Variants in RANBP2 observed in about 807,000 individuals in gnomAD.
RANBP2 encodes the protein RAN binding protein 2.
In RANBP2, 57 loss-of-function variants were observed where a neutral mutation model predicts 303.6. The ratio of observed to expected loss-of-function variants is 0.19; its 90% CI spans 0.15 to 0.23. The LOEUF is 0.23. Among genes scored for constraint, RANBP2 ranks in the 10% least tolerant of loss-of-function variants. The pLI is 1.00. For synonymous variants in RANBP2, 1,167 were observed against 1,301.5 expected, an observed-to-expected ratio of 0.90 and a Z score of 2.23; for missense variants, 3,138 against 3,780.8, an observed-to-expected ratio of 0.83 and a Z score of 4.46.
chr2:108,795,012 A>G, the RANBP2 span, among the ~76,000 whole-genome samples: 2 of 151,230 alleles, frequency 1.3e-5, no homozygotes, highest in Non-Finnish European at 2.9e-5. Flanking sequence ...CTGATAAAGT[A>G]TGGTTTTTGA....
At chr2:108,827,387 CAAAAT>C in the RANBP2 span, among the ~76,000 whole-genome samples, 11 of 152,102 alleles carry the variant, frequency 7.2e-5, no homozygotes, top group Non-Finnish European at 1.6e-4. Context: ...ATGTGCAAAA[CAAAAT>C]GTAGAAAACT....
the RANBP2 span, among the ~76,000 whole-genome samples, chr2:109,134,153 C>T: frequency 6.6e-6 from 1 of 152,196 alleles, no homozygotes; most frequent in African/African-American, 2.4e-5. Flanking sequence ...CACAATAATC[C>T]TGCCAAGTGG....
chr2:108,804,902 A>G, the RANBP2 span: 3 of 1,559,348 alleles, frequency 1.9e-6, no homozygotes, highest in African/African-American at 4.2e-5. Flanking sequence ...CATGATGCAG[A>G]AGTTGAACAC....
chr2:108,790,995 CAA>C, the RANBP2 span, among the ~76,000 whole-genome samples: 2 of 152,036 alleles, frequency 1.3e-5, no homozygotes, highest in Non-Finnish European at 2.9e-5. Context: ...CTCCTGGGCT[CAA>C]GAGATACTCC....
At chr2:108,835,485 C>G in the RANBP2 span, among the ~76,000 whole-genome samples, 15 of 152,112 alleles carry the variant, frequency 9.9e-5, no homozygotes, top group Non-Finnish European at 1.9e-4. Context: ...CCACTGATAA[C>G]AGCGATATGA....
chr2:109,651,146 C>A, the RANBP2 span, among the ~76,000 whole-genome samples: 4 of 152,142 alleles, frequency 2.6e-5, no homozygotes, highest in Non-Finnish European at 5.9e-5. Context: ...GTCCCAGCAA[C>A]CCCTGTACCT....
chr2:109,471,825 G>A, the RANBP2 span, among the ~76,000 whole-genome samples: 3 of 152,204 alleles, frequency 2.0e-5, no homozygotes, highest in South Asian at 2.1e-4. Flanking sequence ...CATGGGGCAC[G>A]TCTTGTTAAA....
the RANBP2 span, among the ~76,000 whole-genome samples, chr2:109,063,591 G>A: frequency 2.0e-5 from 3 of 152,156 alleles, no homozygotes; most frequent in Admixed American, 2.0e-4. Context: ...CTGTAGAACT[G>A]GCATTGGAAC....
chr2:108,925,715 G>A, the RANBP2 span, among the ~76,000 whole-genome samples: 1 of 151,996 alleles, frequency 6.6e-6, no homozygotes, highest in African/African-American at 2.4e-5. Flanking sequence ...CCTCCCAGGT[G>A]CAAACAATTC....
At chr2:108,970,250 T>TTA in the RANBP2 span, among the ~76,000 whole-genome samples, 1 of 152,148 alleles carries the variant, frequency 6.6e-6, no homozygotes, top group East Asian at 1.9e-4. Flanking sequence ...CCCCAGGTGG[T>TTA]ACGCATTTGA....
At chr2:109,568,823 GACTT>G in the RANBP2 span, among the ~76,000 whole-genome samples, 17 of 152,124 alleles carry the variant, frequency 1.1e-4, no homozygotes, top group Non-Finnish European at 1.8e-4. Context: ...CACTGTCACA[GACTT>G]ACTTAGACAG....
chr2:108,763,825 C>T lies in RANBP2; in HGVS notation c.3286C>T (p.Arg1096Ter). The change falls in exon 20 of 29, where the codon CGA becomes TGA. Residue 1096 changes from arginine to a stop codon, truncating the protein, a stop_gained. Transcript: ENST00000283195. LOFTEE classifies it high-confidence loss of function. ...PIPGGQTIGPRNTFNFGSKNV... is the reference protein window; with the variant it reads ...PIPGGQTIGP ...TCCTGGTGGTCAAACCATTGGGCCTCGAAATACATTCAATTTTGGAAGCAA... is the reference window on the plus strand; with the variant it reads ...TCCTGGTGGTCAAACCATTGGGCCTTGAAATACATTCAATTTTGGAAGCAA... The T allele has an allele frequency of 6.2e-7, 1 of 1,613,968 alleles. No individual in the cohort carries two copies. Among genetic ancestry groups the T allele is most frequent in the Non-Finnish European group, 8.5e-7 (1 of 1,179,976 alleles).
At chr2:108,936,649 C>T in the RANBP2 span, among the ~76,000 whole-genome samples, 1 of 152,330 alleles carries the variant, frequency 6.6e-6, no homozygotes, top group South Asian at 2.1e-4. Context: ...GACAGACCTC[C>T]CTTCCCTGTA....
the RANBP2 span, among the ~76,000 whole-genome samples, chr2:109,573,655 T>C: frequency 3.3e-5 from 5 of 152,348 alleles, 1 homozygote; most frequent in South Asian, 8.3e-4. Flanking sequence ...ATTCAACTTA[T>C]ACAGTTAGTA....
the RANBP2 span, among the ~76,000 whole-genome samples, chr2:109,471,206 CAAAAAAAAAAA>C: frequency 2.5e-5 from 1 of 40,166 alleles, no homozygotes; most frequent in Non-Finnish European, 6.5e-5. Flanking sequence ...GACTCTGTCT[CAAAAAAAAAAA>C]AAAAAAAAAA....
At chr2:109,419,759 T>C in the RANBP2 span, 1 of 915,244 alleles carries the variant, frequency 1.1e-6, no homozygotes, top group African/African-American at 1.7e-5. Flanking sequence ...AGTTGGCCAG[T>C]ATAGTTATGT....
At chr2:109,246,472 C>T in the RANBP2 span, among the ~76,000 whole-genome samples, 4 of 152,198 alleles carry the variant, frequency 2.6e-5, no homozygotes, top group African/African-American at 4.8e-5. Context: ...AATAGCATTA[C>T]CTTGGAGGTT....
At chr2:109,499,957 A>C in the RANBP2 span, among the ~76,000 whole-genome samples, 2 of 152,156 alleles carry the variant, frequency 1.3e-5, no homozygotes, top group African/African-American at 4.8e-5. Context: ...GCAGGGAGGC[A>C]GCGAGTGGGG....
At chr2:109,010,100 A>G in the RANBP2 span, among the ~76,000 whole-genome samples, 1 of 152,188 alleles carries the variant, frequency 6.6e-6, no homozygotes, top group Non-Finnish European at 1.5e-5. Flanking sequence ...TTTTATGTAT[A>G]TATTTACATA....
Sources: gnomAD v4.1 joint callset for allele counts (sites outside exome capture counted in the v4.1 genomes callset) on GRCh38, gnomAD v4.1.1 for gene constraint, MANE v1.5 for transcripts, NCBI Gene and HGNC (gene_info 2026-07-23, HGNC 2026-07-21) for gene names.